Variants in SEMA4D observed in about 807,000 individuals in gnomAD.
The protein encoded by SEMA4D is semaphorin 4D, also known as semaphorin-4D.
Under a neutral mutation model 74.8 loss-of-function variants are expected in SEMA4D, and 22 were observed. The ratio of observed to expected loss-of-function variants is 0.29; its 90% CI spans 0.21 to 0.42. The LOEUF (loss-of-function observed/expected upper bound fraction) is 0.42. SEMA4D is among the 10% of genes least tolerant of loss of function. The probability of loss-of-function intolerance (pLI) is 1.00; values close to 1 mark genes in which losing one functional copy is unlikely to be tolerated. For synonymous variants in SEMA4D, 445 were observed against 463.7 expected (o/e 0.96, Z 0.52); for missense variants, 937 against 1,118.4 (o/e 0.84, Z 2.31).
At chr9:89,458,579 T>C (rs532844666) in intron 1 of SEMA4D, among the ~76,000 whole-genome samples, 6 of 152,006 alleles carry the variant, frequency 3.9e-5, no homozygotes, top group Non-Finnish European at 7.4e-5. Flanking sequence ...CACACTTACA[T>C]GCACACACGT....
At chr9:89,420,755 C>A (rs753614381) in intron 2 of SEMA4D, among the ~76,000 whole-genome samples, 18 of 152,248 alleles carry the variant, frequency 1.2e-4, no homozygotes, top group Admixed American at 1.2e-3. Flanking sequence ...CCAGTCCTGG[C>A]TTCTCCAAGT....
At chr9:89,377,095 A>G, downstream of SEMA4D, 4 of 1,499,178 alleles carry the variant, frequency 2.7e-6, no homozygotes, top group Non-Finnish European at 3.6e-6. Flanking sequence ...CTGAGGAAGA[A>G]GTCGCCAGGA....
At chr9:89,370,657 T>C (rs1414336868) in intron 16 of SEMA4D, among the ~76,000 whole-genome samples, 1 of 147,350 alleles carries the variant, frequency 6.8e-6, no homozygotes, top group East Asian at 2.0e-4. Flanking sequence ...GTGTGCGGTA[T>C]ACGTCATGCT....
intron 2 of SEMA4D, among the ~76,000 whole-genome samples, chr9:89,425,148 C>G (rs928851703): frequency 6.6e-6 from 1 of 152,200 alleles, no homozygotes; most frequent in African/African-American, 2.4e-5. Context: ...AACTGGCAGC[C>G]AGGACCGAGA....
At chr9:89,483,155 C>T (rs1055373575) in intron 1 of SEMA4D, among the ~76,000 whole-genome samples, 2 of 152,236 alleles carry the variant, frequency 1.3e-5, no homozygotes, top group African/African-American at 4.8e-5. Context: ...ATGGCAGATC[C>T]CTGCACAGAG....
rs1030759005 is a variant in SEMA4D, at chr9:89,363,620, TAAAA to T, written c.2093-97_2093-94del. On this transcript the variant is annotated intron_variant, in intron 17 of 18. Transcript: ENST00000339861. The stretch of plus-strand genomic sequence containing the variant: ...GCCACCTTTCTCAATGGAAAGCCAA[TAAAA>T]CCCAAACCCAGAATGCCACCGTGCA... 2.6e-5 allele frequency: 41 copies of T among 1,595,202 alleles called. 1 individual carries two copies. The Admixed American group carries it at 5.5e-4, about 21-fold the overall frequency.
chr9:89,418,554 G>A (rs1846194423), intron 2 of SEMA4D: 1 of 326,292 alleles, frequency 3.1e-6, no homozygotes, highest in Admixed American at 6.5e-5. Context: ...ATAATTACAA[G>A]CACTAAAGAG....
At chr9:89,392,323 C>A (rs1408907093) in intron 8 of SEMA4D, 100 bp downstream of exon 8, 2 of 877,536 alleles carry the variant, frequency 2.3e-6, no homozygotes, top group East Asian at 4.9e-5. Context: ...AACACAAGCT[C>A]GGGGGCCCCC....
intron 2 of SEMA4D, among the ~76,000 whole-genome samples, chr9:89,435,808 G>A (rs538638736): frequency 9.2e-5 from 14 of 152,324 alleles, no homozygotes; most frequent in Admixed American, 4.6e-4. Context: ...TTGCATGTCC[G>A]GCCTTTCCTT....
rs200304632 is a variant in SEMA4D at position 89,363,414 on chromosome 9, G to A, written c.2190+16C>T. On this transcript the variant is annotated intron_variant, in intron 18 of 18. Transcript: ENST00000339861. ...GGCTCCAGCCCTCCTTTCTTTGCCC[G>A]GCTGCGGCCACTTACCCACGCCTTC... 3.3e-5 allele frequency: 53 copies of A among 1,609,458 alleles called. 1 individual carries two copies. In the Admixed American group the frequency reaches 4.0e-4, roughly 12 times the overall value.
At chr9:89,409,837 C>T (rs75417271) in intron 2 of SEMA4D, among the ~76,000 whole-genome samples, 1,852 of 152,260 alleles carry the variant, frequency 0.012, 36 homozygotes, top group African/African-American at 0.042. Context: ...CAGTCCTCTG[C>T]GTATCCCAAT....
Position 89,387,716 on chromosome 9 carries a change from CA to C in SEMA4D, c.1108-109del, listed in dbSNP as rs1021268415. 4 of 837,840 alleles carry C rather than the reference CA, an allele frequency of 4.8e-6. No individual in the cohort carries two copies. In the African/African-American group the frequency reaches 6.7e-5, roughly 14 times the overall value. The allele number at this position is 837,840 out of a possible 1,614,324, so 51.9% of individuals were successfully genotyped here. On this transcript the variant is annotated intron_variant, in intron 11 of 15. Coordinates refer to ENST00000422704, the MANE Select transcript of SEMA4D (RefSeq NM_001371194.2). Reference sequence around the variant, plus strand: ...GGGGCTGCAAAACCTGGAAACCACACAATGCATGCCTTGAAATGAGGGTAGC... The same window carrying C: ...GGGGCTGCAAAACCTGGAAACCACACATGCATGCCTTGAAATGAGGGTAGC...
At chr9:89,375,408 G>A (rs903673431), downstream of SEMA4D, among the ~76,000 whole-genome samples, 1 of 152,202 alleles carries the variant, frequency 6.6e-6, no homozygotes, top group Admixed American at 6.5e-5. Context: ...CGTCTCCACA[G>A]TGCTCCATGC....
intron 9 of SEMA4D, 127 bp downstream of exon 9, chr9:89,391,137 T>C: frequency 1.1e-6 from 1 of 924,818 alleles, no homozygotes. Flanking sequence ...GAGAGCTGCA[T>C]CTGAGGCCCA....
At chr9:89,371,110 TGGG>T (rs146015047) in intron 16 of SEMA4D, among the ~76,000 whole-genome samples, 1 of 5,228 alleles carries the variant, frequency 1.9e-4, no homozygotes. Flanking sequence ...AAGGTGTGTG[TGGG>T]GGGGTGTGGT....
At chr9:89,439,479 C>T (rs1399426461) in intron 2 of SEMA4D, among the ~76,000 whole-genome samples, 3 of 152,076 alleles carry the variant, frequency 2.0e-5, no homozygotes, top group Non-Finnish European at 4.4e-5. Flanking sequence ...AGGTAATTGT[C>T]TTAAAGCAAT....
At chr9:89,465,644 T>C (rs528823957) in intron 1 of SEMA4D, among the ~76,000 whole-genome samples, 3 of 152,312 alleles carry the variant, frequency 2.0e-5, no homozygotes, top group African/African-American at 7.2e-5. Flanking sequence ...AAAAAAATAA[T>C]ACAGAGTAAA....
chr9:89,406,938 G>A (rs967929213), intron 2 of SEMA4D, among the ~76,000 whole-genome samples: 7 of 151,974 alleles, frequency 4.6e-5, no homozygotes, highest in East Asian at 1.9e-4. Context: ...GTCAGGGGCC[G>A]ACCCCATCTA....
At chr9:89,401,867 G>C (rs778838204) in intron 4 of SEMA4D, among the ~76,000 whole-genome samples, 4 of 152,190 alleles carry the variant, frequency 2.6e-5, no homozygotes, top group Non-Finnish European at 4.4e-5. Flanking sequence ...AGGAGAGGTA[G>C]AATCAGAACA....
Sources: allele counts gnomAD v4.1 joint callset (sites outside exome capture counted in the v4.1 genomes callset), GRCh38; gene constraint gnomAD v4.1.1; transcripts MANE v1.5; gene names NCBI Gene and HGNC (gene_info 2026-07-23, HGNC 2026-07-21).